The following SNW1 variants were observed in gnomAD, a reference collection of about 807,000 sequenced individuals.
SNW1 encodes the protein SNW domain containing 1.
A neutral mutation model predicts 75.6 loss-of-function variants in SNW1; 9 were observed. The observed-to-expected ratio is 0.12, with a 90% confidence interval of 0.07 to 0.21. The LOEUF is 0.21. SNW1 is among the 10% of genes least tolerant of loss of function. The probability of loss-of-function intolerance (pLI) is 1.00; values close to 1 mark genes in which losing one functional copy is unlikely to be tolerated. For missense variants in SNW1, 409 were observed against 670.9 expected (o/e 0.61, Z 4.31); for synonymous variants, 200 against 219.1 (o/e 0.91, Z 0.77).
chr14:77,736,567 C>A (rs1451756620), intron 6 of SNW1, among the ~76,000 whole-genome samples: 1 of 151,222 alleles, frequency 6.6e-6, no homozygotes, highest in Non-Finnish European at 1.5e-5. Flanking sequence ...AAAACAAAAA[C>A]AAAAACAAAA....
chr14:77,740,853 T>C (rs1237243679), intron 3 of SNW1, among the ~76,000 whole-genome samples: 3 of 152,022 alleles, frequency 2.0e-5, no homozygotes, highest in Non-Finnish European at 2.9e-5. Context: ...TCCCAGCACT[T>C]TGGGAGGCCG....
rs1209953740 is a variant in SNW1 at position 77,760,736 on chromosome 14, G to C, written c.14+378C>G. The C allele has an allele frequency of 8.5e-6, 6 of 702,448 alleles. No individual in the cohort carries two copies. In the Admixed American group the frequency reaches 1.2e-4, roughly 14 times the overall value. 43.5% of individuals were successfully genotyped at this position (702,448 alleles called of 1,614,324 possible). On this transcript the variant is annotated intron_variant, in intron 1 of 13. Coordinates refer to ENST00000261531, the MANE Select transcript of SNW1 (RefSeq NM_012245.3). ...ACGGCCGGAAAGCCGCGCAGTCGCA[G>C]CCCGCGCGCTTCACTCCGCCCAAAT...
At chr14:77,721,855 C>G (rs1405558306) in intron 11 of SNW1, among the ~76,000 whole-genome samples, 1 of 152,146 alleles carries the variant, frequency 6.6e-6, no homozygotes, top group Admixed American at 6.5e-5. Flanking sequence ...TCAAGTGATT[C>G]TCCCACTTCG....
At chr14:77,719,952 C>T (rs566752290) in intron 12 of SNW1, among the ~76,000 whole-genome samples, 28 of 152,262 alleles carry the variant, frequency 1.8e-4, no homozygotes, top group African/African-American at 5.5e-4. Flanking sequence ...CGCATGCGCC[C>T]GCGTGTGTTT....
intron 12 of SNW1, among the ~76,000 whole-genome samples, chr14:77,719,966 C>T (rs2080525871): frequency 6.6e-6 from 1 of 152,218 alleles, no homozygotes; most frequent in Admixed American, 6.5e-5. Context: ...TGTGTTTTCC[C>T]AGGCTTAAAG....
At chr14:77,754,923 T>G in intron 2 of SNW1, 44 bp downstream of exon 2, 1 of 1,493,332 alleles carries the variant, frequency 6.7e-7, no homozygotes, top group Non-Finnish European at 9.0e-7. Context: ...CTATAATAAA[T>G]TTCAGCACAA....
At chr14:77,756,726 A>G (rs535659791) in intron 1 of SNW1, among the ~76,000 whole-genome samples, 5 of 152,188 alleles carry the variant, frequency 3.3e-5, no homozygotes, top group Non-Finnish European at 7.3e-5. Flanking sequence ...TCTACTAAAA[A>G]TACAAAATTA....
At position 77,732,626 on chromosome 14, in the gene SNW1, C is replaced by G; in HGVS notation, c.775-25G>C. On this transcript the variant is annotated intron_variant, in intron 8 of 13. Coordinates refer to ENST00000261531, the MANE Select transcript of SNW1 (RefSeq NM_012245.3). ...CCTAGAGTGAAAGCAGACAGAAAAC[C>G]CAGTCACAGAAGTGCTTCAATTAAT... 7.8e-6 allele frequency: 10 copies of G among 1,278,446 alleles called. 1 individual carries two copies. Among genetic ancestry groups the G allele is most frequent in the Non-Finnish European group, 1.1e-5 (10 of 884,798 alleles). 79.2% of individuals were successfully genotyped at this position (1,278,446 alleles called of 1,614,324 possible).
intron 10 of SNW1, among the ~76,000 whole-genome samples, chr14:77,725,232 TATTA>T (rs1310695857): frequency 1.3e-5 from 2 of 152,374 alleles, no homozygotes; most frequent in African/African-American, 4.8e-5. Flanking sequence ...ACATTCTGGT[TATTA>T]ATTCTTTCTT....
intron 1 of SNW1, among the ~76,000 whole-genome samples, chr14:77,758,405 C>A (rs1162892070): frequency 1.3e-5 from 2 of 148,796 alleles, no homozygotes; most frequent in Non-Finnish European, 3.0e-5. Flanking sequence ...TTTTTGATTG[C>A]TCCTTGCTGG....
In SNW1 at chr14:77,718,507, A is replaced by C; in HGVS notation, c.1272T>G (p.Gly424=). The C allele has an allele frequency of 1.2e-6, 2 of 1,612,140 alleles. No individual in the cohort carries two copies. Among genetic ancestry groups the C allele is most frequent in the Non-Finnish European group, 1.7e-6 (2 of 1,178,532 alleles). Residue 424 remains glycine (G), a synonymous_variant, in exon 13 of 14, where the codon GGT becomes GGG. Coordinates refer to ENST00000261531, the MANE Select transcript of SNW1 (RefSeq NM_012245.3). ...QSKGMDSGFA[G]GEDEIYNVYD... Reference sequence around the variant, plus strand: ...AAACATTATAAATTTCATCTTCTCCACCTGCAAATCCACTGTCCATACCCT... The same window carrying C: ...AAACATTATAAATTTCATCTTCTCCCCCTGCAAATCCACTGTCCATACCCT...
At chr14:77,730,951 C>A (rs1566828760) in intron 10 of SNW1, 37 bp downstream of exon 10, 1 of 1,594,862 alleles carries the variant, frequency 6.3e-7, no homozygotes, top group Non-Finnish European at 8.5e-7. Context: ...ATTTTGTTCA[C>A]CAAGCAAAAT....
chr14:77,728,961 G>A (rs1413753716), intron 10 of SNW1, among the ~76,000 whole-genome samples: 2 of 152,104 alleles, frequency 1.3e-5, no homozygotes, highest in African/African-American at 4.8e-5. Context: ...TTTCTTATTA[G>A]TTTAGAGAAC....
At chr14:77,748,556 T>C (rs952161931) in intron 3 of SNW1, among the ~76,000 whole-genome samples, 2 of 152,096 alleles carry the variant, frequency 1.3e-5, no homozygotes, top group African/African-American at 2.4e-5. Flanking sequence ...TATATACTTA[T>C]GGTATCTTTT....
At chr14:77,752,305 T>C (rs2080815228) in intron 2 of SNW1, among the ~76,000 whole-genome samples, 2 of 152,210 alleles carry the variant, frequency 1.3e-5, no homozygotes, top group Non-Finnish European at 2.9e-5. Flanking sequence ...CTAGTGATTA[T>C]ACATAATTAT....
intron 10 of SNW1, among the ~76,000 whole-genome samples, chr14:77,724,131 G>A (rs1025450292): frequency 2.0e-5 from 3 of 151,208 alleles, no homozygotes; most frequent in African/African-American, 4.9e-5. Context: ...CGGACAGACA[G>A]ATGGACAGAA....
chr14:77,719,589 C>T (rs1461234078), intron 12 of SNW1, among the ~76,000 whole-genome samples: 2 of 152,014 alleles, frequency 1.3e-5, no homozygotes, highest in African/African-American at 2.4e-5. Flanking sequence ...TGCAGTGAGC[C>T]GAGATGGCAC....
At position 77,735,029 on chromosome 14, in the gene SNW1, A is replaced by G; in HGVS notation, c.709-17T>C. 1 of 1,562,362 alleles carries G rather than the reference A, an allele frequency of 6.4e-7. No individual in the cohort carries two copies. Among genetic ancestry groups the G allele is most frequent in the Non-Finnish European group, 8.8e-7 (1 of 1,135,432 alleles). On this transcript the variant is annotated splice_polypyrimidine_tract_variant and intron_variant, in intron 7 of 13. Coordinates refer to ENST00000261531, the MANE Select transcript of SNW1 (RefSeq NM_012245.3). ...TACAGTCATCTGAGAGAAGAGGGAAAGAAGAGACAAGTTTAGATTTATAGT... is the reference window on the plus strand; with the variant it reads ...TACAGTCATCTGAGAGAAGAGGGAAGGAAGAGACAAGTTTAGATTTATAGT...
At chr14:77,720,544 G>A (rs761630582) in intron 12 of SNW1, 167 bp downstream of exon 12, 2 of 758,446 alleles carry the variant, frequency 2.6e-6, no homozygotes, top group East Asian at 4.9e-5. Flanking sequence ...ACTATAAGAA[G>A]TTAAAATCAG....
Sources: gnomAD v4.1 joint callset for allele counts (sites outside exome capture counted in the v4.1 genomes callset) on GRCh38, gnomAD v4.1.1 for gene constraint, MANE v1.5 for transcripts, NCBI Gene and HGNC (gene_info 2026-07-23, HGNC 2026-07-21) for gene names.